The following DAPK2 variants were observed in gnomAD, a reference collection of about 807,000 sequenced individuals.
DAPK2 encodes the protein death-associated protein kinase 2.
In DAPK2, 35 loss-of-function variants were observed where a neutral mutation model predicts 44.1. That is an observed-to-expected ratio of 0.79 (90% CI 0.61 to 1.05). DAPK2 has a LOEUF of 1.05. DAPK2 is among the 50% of genes least tolerant of loss of function. The probability of loss-of-function intolerance (pLI) is 0.00; values close to 1 mark genes in which losing one functional copy is unlikely to be tolerated. For synonymous variants in DAPK2, 174 were observed against 182.6 expected, an observed-to-expected ratio of 0.95 and a Z score of 0.38; for missense variants, 453 against 483.2, an observed-to-expected ratio of 0.94 and a Z score of 0.59.
chr15:63,931,645 A>G (rs1217749211), intron 4 of DAPK2, among the ~76,000 whole-genome samples: 4 of 152,198 alleles, frequency 2.6e-5, no homozygotes, highest in African/African-American at 9.6e-5. Context: ...GAAGATGTCC[A>G]GGGGCAGGCT....
chr15:63,968,431 C>T (rs574610866), intron 3 of DAPK2, among the ~76,000 whole-genome samples: 9 of 152,292 alleles, frequency 5.9e-5, no homozygotes, highest in African/African-American at 2.2e-4. Flanking sequence ...AGGTTAGCCC[C>T]GGAGCCTCAC....
chr15:63,941,539 G>A (rs909545048), intron 3 of DAPK2, among the ~76,000 whole-genome samples: 5 of 152,168 alleles, frequency 3.3e-5, no homozygotes, highest in African/African-American at 1.2e-4. Context: ...CTTCTCCCAG[G>A]TCCCCCTGGC....
chr15:63,950,581 A>AT (rs1181971852), intron 3 of DAPK2, among the ~76,000 whole-genome samples: 3 of 152,016 alleles, frequency 2.0e-5, no homozygotes, highest in African/African-American at 7.3e-5. Context: ...ACACTGTTTT[A>AT]TTTTTTTTAT....
chr15:63,949,583 C>G (rs971000979), intron 3 of DAPK2, among the ~76,000 whole-genome samples: 12 of 152,196 alleles, frequency 7.9e-5, no homozygotes, highest in African/African-American at 2.9e-4. Context: ...AGGGGCCCCC[C>G]ATCTGTGCTA....
intron 3 of DAPK2, among the ~76,000 whole-genome samples, chr15:63,952,653 T>TA (rs397709701): frequency 6.7e-5 from 10 of 150,326 alleles, no homozygotes; most frequent in East Asian, 2.0e-4. Context: ...TGTTTTTTTT[T>TA]ATTTATTTTT....
At chr15:63,982,584 C>T (rs2078552555) in intron 2 of DAPK2, among the ~76,000 whole-genome samples, 1 of 152,216 alleles carries the variant, frequency 6.6e-6, no homozygotes, top group Non-Finnish European at 1.5e-5. Context: ...CAGAGCCCCA[C>T]CTGCCCAGGA....
At chr15:64,039,304 G>A (rs887641467) in intron 1 of DAPK2, among the ~76,000 whole-genome samples, 1 of 152,254 alleles carries the variant, frequency 6.6e-6, no homozygotes, top group Non-Finnish European at 1.5e-5. Context: ...GCATGTGTGA[G>A]TGTACAAGTG....
At chr15:63,926,620 GT>G (rs34873106) in intron 6 of DAPK2, among the ~76,000 whole-genome samples, 15,357 of 152,110 alleles carry the variant, frequency 0.1, 1,321 homozygotes, top group African/African-American at 0.24. Context: ...GGTCTGTGTG[GT>G]TCCCCAACAG....
chr15:64,012,941 CTG>C (rs1295699587), intron 1 of DAPK2, among the ~76,000 whole-genome samples: 16 of 152,194 alleles, frequency 1.1e-4, no homozygotes, highest in Admixed American at 9.2e-4. Flanking sequence ...TAGGGAATGA[CTG>C]TAAAATGTTT....
intron 10 of DAPK2, chr15:63,909,262 T>G (rs2146452503): frequency 6.6e-6 from 1 of 152,264 alleles, no homozygotes; most frequent in Non-Finnish European, 1.5e-5. Flanking sequence ...CCACAGTGAC[T>G]TCATTCCTAA....
intron 1 of DAPK2, among the ~76,000 whole-genome samples, chr15:64,021,342 C>A (rs2079676978): frequency 6.6e-6 from 1 of 152,198 alleles, no homozygotes; most frequent in Admixed American, 6.5e-5. Flanking sequence ...AGCAGCTCTG[C>A]ACACTTGGTC....
In DAPK2 at chr15:63,917,370, AAAAAAAG is replaced by A; in HGVS notation, c.859-5180_859-5174del. ...GAGAGTGAAACTCTGTCTCAAAAAA[AAAAAAAG>A]AAAAAAAGAAGAAGAAAATCCTTAG... is the stretch of plus-strand genomic sequence containing the variant. On this transcript the variant is annotated intron_variant, in intron 8 of 10. Transcript: ENST00000261891. This position sits in a 1 kb window ranked among gnomAD's most constrained non-coding sequence, Gnocchi z 4.4. 1 of 152,054 alleles carries A rather than the reference AAAAAAAG, an allele frequency of 6.6e-6. No individual in the cohort carries two copies. Among genetic ancestry groups the A allele is most frequent in the East Asian group, 1.9e-4 (1 of 5,172 alleles). The allele number at this position is 152,054 out of a possible 1,614,324, so 9.4% of individuals were successfully genotyped here.
intron 4 of DAPK2, among the ~76,000 whole-genome samples, chr15:63,933,432 G>A (rs1431358984): frequency 1.3e-5 from 2 of 151,758 alleles, no homozygotes; most frequent in East Asian, 1.9e-4. Flanking sequence ...TAGTAGAGAC[G>A]GGGTTTCACC....
rs148811669 is a variant in DAPK2 at position 64,023,571 on chromosome 15, T to C, written c.92+16599A>G. Among the ~76,000 whole-genome samples the C allele has an allele frequency of 1.3e-3, 204 of 152,324 alleles. 1 individual carries two copies. Among genetic ancestry groups the C allele is most frequent in the African/African-American group, 4.4e-3 (184 of 41,566 alleles). On this transcript the variant is annotated intron_variant, in intron 1 of 10. Transcript: ENST00000261891. The stretch of plus-strand genomic sequence containing the variant: ...AACTAACAGCTCTGAGAGCCTCTGA[T>C]GTGTCTCAAGTACCATTTTGAAGAA...
chr15:63,941,413 C>T (rs1480264339), intron 3 of DAPK2, among the ~76,000 whole-genome samples: 4 of 152,230 alleles, frequency 2.6e-5, no homozygotes, highest in Admixed American at 2.6e-4. Flanking sequence ...CTGTCCTCAG[C>T]CGGAAGGAGG....
intron 1 of DAPK2, among the ~76,000 whole-genome samples, chr15:64,018,101 C>A (rs901926971): frequency 3.3e-5 from 5 of 152,186 alleles, no homozygotes; most frequent in African/African-American, 1.2e-4. Flanking sequence ...GCCTCTCCCC[C>A]AAAACATACA....
intron 4 of DAPK2, among the ~76,000 whole-genome samples, chr15:63,934,084 A>T (rs1471966401): frequency 2.6e-5 from 4 of 151,352 alleles, no homozygotes; most frequent in Non-Finnish European, 5.9e-5. Flanking sequence ...GTTTTTCCCC[A>T]ACTTCTTTTT....
intron 1 of DAPK2, among the ~76,000 whole-genome samples, chr15:63,988,132 C>A (rs537843311): frequency 1.3e-5 from 2 of 152,254 alleles, no homozygotes; most frequent in Admixed American, 6.5e-5. Context: ...GGAACACACC[C>A]CTCTTCCCAG....
chr15:63,998,608 C>T lies in DAPK2; in HGVS notation c.93-14854G>A, dbSNP rs192755759. 1.3e-3 allele frequency among the ~76,000 whole-genome samples: 197 copies of T among 152,268 alleles called. 1 individual carries two copies. The highest frequency in any genetic ancestry group is 2.3e-3 in the Non-Finnish European group (157 of 68,004). On this transcript the variant is annotated intron_variant, in intron 1 of 10. Transcript: ENST00000261891. ...GGTCTCTGCAGGGTGGACCTATGCC[C>T]GGAGGAGACCCAGGGGAATCCCCAG...
Sources: gnomAD v4.1 joint callset for allele counts (sites outside exome capture counted in the v4.1 genomes callset) on GRCh38, gnomAD v4.1.1 for gene constraint, Gnocchi (gnomAD v3.1) non-coding constraint, MANE v1.5 for transcripts, NCBI Gene and HGNC (gene_info 2026-07-23, HGNC 2026-07-21) for gene names.